The following KIAA1549L variants were observed in gnomAD, a reference collection of about 807,000 sequenced individuals.
KIAA1549L encodes UPF0606 protein KIAA1549L.
A neutral mutation model predicts 160.7 loss-of-function variants in KIAA1549L; 88 were observed. That is an observed-to-expected ratio of 0.55 (90% CI 0.46 to 0.65). The LOEUF (loss-of-function observed/expected upper bound fraction) is 0.65, where lower values mean the gene tolerates loss of function less well. Among genes scored for constraint, KIAA1549L ranks in the 30% least tolerant of loss-of-function variants. The pLI is 0.00. For missense variants in KIAA1549L, 2,258 were observed against 2,437.5 expected, an observed-to-expected ratio of 0.93 and a Z score of 1.55; for synonymous variants, 950 against 976.7, an observed-to-expected ratio of 0.97 and a Z score of 0.51.
At chr11:33,544,382 C>T in intron 2 of KIAA1549L, 46 bp downstream of exon 2, 5 of 1,581,588 alleles carry the variant, frequency 3.2e-6, no homozygotes, top group Non-Finnish European at 4.3e-6. Context: ...ACCCCCAAAA[C>T]AGGCATGACT....
intron 1 of KIAA1549L, among the ~76,000 whole-genome samples, chr11:33,415,535 C>T (rs149289962): frequency 4.5e-4 from 69 of 152,224 alleles, no homozygotes; most frequent in African/African-American, 1.6e-3. Flanking sequence ...CAGTGGAAGG[C>T]GTGAACTCAA....
intron 1 of KIAA1549L, among the ~76,000 whole-genome samples, chr11:33,531,421 C>T (rs1404891637): frequency 6.6e-6 from 1 of 152,024 alleles, no homozygotes; most frequent in African/African-American, 2.4e-5. Flanking sequence ...GTTGCAGGAG[C>T]CGAGATTGCG....
At chr11:33,379,962 C>T (rs548816449) in intron 1 of KIAA1549L, among the ~76,000 whole-genome samples, 7 of 152,198 alleles carry the variant, frequency 4.6e-5, no homozygotes, top group Non-Finnish European at 8.8e-5. Context: ...CCCTTGCCCT[C>T]TGTGCTGTGT....
intron 16 of KIAA1549L, among the ~76,000 whole-genome samples, chr11:33,626,286 AT>A (rs1851110718): frequency 1.4e-5 from 2 of 138,990 alleles, no homozygotes; most frequent in Non-Finnish European, 3.1e-5. Flanking sequence ...GTTTTTTCCA[AT>A]TCTGTGAAGA....
intron 16 of KIAA1549L, among the ~76,000 whole-genome samples, chr11:33,642,594 T>G (rs1851616166): frequency 7.5e-6 from 1 of 133,008 alleles, no homozygotes; most frequent in African/African-American, 2.9e-5. Flanking sequence ...GGGTGAGTGG[T>G]TTGGGGGGGT....
At chr11:33,651,856 C>T (rs1590443789) in intron 17 of KIAA1549L, among the ~76,000 whole-genome samples, 1 of 30,424 alleles carries the variant, frequency 3.3e-5, no homozygotes, top group Non-Finnish European at 5.2e-5. Flanking sequence ...CCCTCCCATT[C>T]CCCTCCCCTC....
chr11:33,617,789 G>GTGGATGGATGGATGGATGGATGGA (rs200551250), intron 15 of KIAA1549L, among the ~76,000 whole-genome samples: 4 of 149,040 alleles, frequency 2.7e-5, no homozygotes, highest in East Asian at 4.0e-4. Flanking sequence ...GGAAGCCTCG[G>GTGGATGGATGGATGGATGGATGGA]TGGATGGATG....
chr11:33,423,246 GA>G (rs1851055320), intron 1 of KIAA1549L, among the ~76,000 whole-genome samples: 1 of 152,112 alleles, frequency 6.6e-6, no homozygotes. Context: ...ACATCAATTT[GA>G]AAAAAGCCCC....
intron 1 of KIAA1549L, among the ~76,000 whole-genome samples, chr11:33,489,052 A>G (rs763829506): frequency 6.6e-6 from 1 of 152,246 alleles, no homozygotes; most frequent in Non-Finnish European, 1.5e-5. Context: ...TGTGCTGGCC[A>G]GCTGTCGTTG....
chr11:33,498,704 G>C (rs1348550941), intron 1 of KIAA1549L, among the ~76,000 whole-genome samples: 1 of 152,210 alleles, frequency 6.6e-6, no homozygotes, highest in Non-Finnish European at 1.5e-5. Context: ...GGTCAGCCTA[G>C]ATTCAAAGGG....
intron 1 of KIAA1549L, among the ~76,000 whole-genome samples, chr11:33,530,471 A>C (rs1813809060): frequency 9.5e-6 from 1 of 105,268 alleles, no homozygotes; most frequent in African/African-American, 3.4e-5. Flanking sequence ...ATATATATAT[A>C]TATATATATA....
chr11:33,569,617 A>G (rs761719451), intron 9 of KIAA1549L, among the ~76,000 whole-genome samples: 2 of 152,200 alleles, frequency 1.3e-5, no homozygotes, highest in African/African-American at 4.8e-5. Flanking sequence ...ACTTCCCCGC[A>G]TGAGTCATCA....
At chr11:33,568,667 G>A (rs924371693) in intron 9 of KIAA1549L, among the ~76,000 whole-genome samples, 1 of 152,194 alleles carries the variant, frequency 6.6e-6, no homozygotes, top group Non-Finnish European at 1.5e-5. Context: ...TTACCTGTAT[G>A]TAGTCAGTTT....
At chr11:33,420,458 T>C (rs2134102556) in intron 1 of KIAA1549L, among the ~76,000 whole-genome samples, 1 of 152,152 alleles carries the variant, frequency 6.6e-6, no homozygotes, top group Non-Finnish European at 1.5e-5. Context: ...AACTCCTGGG[T>C]CCAAGTGATC....
intron 7 of KIAA1549L, among the ~76,000 whole-genome samples, chr11:33,560,655 G>T (rs182236960): frequency 1.9e-4 from 29 of 152,296 alleles, no homozygotes; most frequent in African/African-American, 7.0e-4. Flanking sequence ...GCCAAAGGAT[G>T]GAAAGGTTTG....
intron 10 of KIAA1549L, among the ~76,000 whole-genome samples, chr11:33,582,297 G>A (rs1416640862): frequency 1.3e-5 from 2 of 152,166 alleles, no homozygotes; most frequent in African/African-American, 4.8e-5. Flanking sequence ...TTGATGTCAG[G>A]GCTTGGTTGA....
chr11:33,470,240 A>G (rs1177108007), intron 1 of KIAA1549L, among the ~76,000 whole-genome samples: 1 of 152,122 alleles, frequency 6.6e-6, no homozygotes, highest in Non-Finnish European at 1.5e-5. Context: ...TGTGGGTATC[A>G]ATTGTCCCAG....
intron 14 of KIAA1549L, among the ~76,000 whole-genome samples, chr11:33,607,852 G>T (rs990102336): frequency 6.6e-6 from 1 of 152,236 alleles, no homozygotes; most frequent in African/African-American, 2.4e-5. Flanking sequence ...ATGGCCTAAA[G>T]ATGTGATGGG....
chr11:33,441,749 C>T (rs1402665518), intron 1 of KIAA1549L, among the ~76,000 whole-genome samples: 3 of 152,076 alleles, frequency 2.0e-5, no homozygotes, highest in Non-Finnish European at 4.4e-5. Context: ...TATCCTTTGC[C>T]CACTTTTTGA....
Sources: gnomAD v4.1 joint callset for allele counts (sites outside exome capture counted in the v4.1 genomes callset) on GRCh38, gnomAD v4.1.1 for gene constraint, MANE v1.5 for transcripts, NCBI Gene and HGNC (gene_info 2026-07-23, HGNC 2026-07-21) for gene names.